The following MOK variants were observed in gnomAD, a reference collection of about 807,000 sequenced individuals.
The protein encoded by MOK is MOK protein kinase, also known as MAPK/MAK/MRK overlapping kinase.
In MOK, 59 loss-of-function variants were observed where a neutral mutation model predicts 54.2. That is an observed-to-expected ratio of 1.09 (90% confidence interval 0.88 to 1.35). The LOEUF is 1.35. Ranked by LOEUF, MOK falls within the 40% of genes most tolerant of loss-of-function variation. The pLI, the probability that MOK is intolerant of heterozygous loss-of-function variation, is 0.00. For missense variants in MOK, 517 were observed against 526.2 expected (o/e 0.98, Z 0.17); for synonymous variants, 210 against 202.7 (o/e 1.04, Z -0.31).
chr14:102,241,057 GGAT>G (rs1054135022), intron 7 of MOK, among the ~76,000 whole-genome samples: 3 of 152,064 alleles, frequency 2.0e-5, no homozygotes, highest in African/African-American at 7.2e-5. Flanking sequence ...TACAAGACCT[GGAT>G]GATTTTTGTC....
At chr14:102,227,653 G>A (rs987629214), downstream of MOK, among the ~76,000 whole-genome samples, 8 of 152,148 alleles carry the variant, frequency 5.3e-5, no homozygotes, top group Non-Finnish European at 1.0e-4. Flanking sequence ...CCTCACTTCC[G>A]GACTGGAATC....
chr14:102,285,718 CA>C (rs1434148566), intron 1 of MOK, among the ~76,000 whole-genome samples: 2 of 151,876 alleles, frequency 1.3e-5, no homozygotes, highest in African/African-American at 4.8e-5. Context: ...ATGGTGAAAC[CA>C]CGTCTCTACT....
At position 102,253,867 on chromosome 14, in the gene MOK, T is replaced by C. The variant is rs560559810; in HGVS notation, c.284-1872A>G. On this transcript the variant is annotated intron_variant, in intron 4 of 11. Transcript: ENST00000361847. ...ATGAGCACATATACCATTTGACACT[T>C]TTGGTCCTAAGTTTACAATTTCTTT... 5.4e-4 allele frequency among the ~76,000 whole-genome samples: 82 copies of C among 152,360 alleles called. No individual in the cohort carries two copies. The Middle Eastern group carries it at 0.01, about 19-fold the overall frequency.
At position 102,249,313 on chromosome 14, in the gene MOK, T is replaced by C. The variant is rs767391208; in HGVS notation, c.590+1499A>G. On this transcript the variant is annotated intron_variant, in intron 7 of 11. Transcript: ENST00000361847. The surrounding 1 kb of genome is among the most constrained non-coding windows in gnomAD (Gnocchi z 5.3). ...TCCCATCGGCCAAGGGGAGTTTTGC[T>C]GACAAATTCAGGGTGAGACAGGTCA... 3.9e-5 allele frequency among the ~76,000 whole-genome samples: 6 copies of C among 152,238 alleles called. No homozygotes were observed. Among genetic ancestry groups the C allele is most frequent in the Non-Finnish European group, 7.3e-5 (5 of 68,044 alleles).
At chr14:102,271,468 A>G (rs573971717) in intron 2 of MOK, among the ~76,000 whole-genome samples, 1 of 152,294 alleles carries the variant, frequency 6.6e-6, no homozygotes, top group East Asian at 1.9e-4. Flanking sequence ...AAAAAGAAAT[A>G]CTCTTACACA....
At chr14:102,285,744 T>G (rs932657536) in intron 1 of MOK, among the ~76,000 whole-genome samples, 19 of 151,760 alleles carry the variant, frequency 1.3e-4, no homozygotes, top group Non-Finnish European at 2.4e-4. Flanking sequence ...ATACAAAAAT[T>G]AGCTGGATGT....
At chr14:102,302,247 A>G (rs1479516606) in intron 1 of MOK, among the ~76,000 whole-genome samples, 3 of 127,570 alleles carry the variant, frequency 2.4e-5, no homozygotes, top group Non-Finnish European at 5.0e-5. Flanking sequence ...TAATTTTTGT[A>G]TTTTTAGTAG....
chr14:102,217,980 G>A, the MOK span, among the ~76,000 whole-genome samples: 1 of 152,228 alleles, frequency 6.6e-6, no homozygotes, highest in African/African-American at 2.4e-5. Context: ...GGCCAAGGCT[G>A]GCCTTCTCCC....
rs1342376163 is a variant in MOK, at chr14:102,256,151, T to G, written c.284-4156A>C. 2.0e-5 allele frequency among the ~76,000 whole-genome samples: 3 copies of G among 151,352 alleles called. No individual in the cohort carries two copies. In the East Asian group the frequency reaches 5.8e-4, roughly 29 times the overall value. Reference sequence around the variant, plus strand: ...TCTCACTCTGTTGCCCAGGCTGGAGTGCAGTGGTACAATCAGCTCATTGCA... The same window carrying G: ...TCTCACTCTGTTGCCCAGGCTGGAGGGCAGTGGTACAATCAGCTCATTGCA... On this transcript the variant is annotated intron_variant, in intron 4 of 11. Transcript: ENST00000361847.
intron 1 of MOK, among the ~76,000 whole-genome samples, chr14:102,284,330 C>T (rs2069791408): frequency 6.6e-6 from 1 of 151,914 alleles, no homozygotes; most frequent in Non-Finnish European, 1.5e-5. Context: ...TGAAATATCG[C>T]CCACTTAAAG....
At chr14:102,290,792 TAC>T (rs1017652438) in intron 1 of MOK, among the ~76,000 whole-genome samples, 2 of 152,048 alleles carry the variant, frequency 1.3e-5, no homozygotes, top group African/African-American at 2.4e-5. Context: ...ATTTAGGAAA[TAC>T]AGAGTTAAAT....
chr14:102,289,782 T>C (rs1267545404), intron 1 of MOK, among the ~76,000 whole-genome samples: 4 of 151,992 alleles, frequency 2.6e-5, no homozygotes, highest in Non-Finnish European at 5.9e-5. Context: ...GCTGGGATTA[T>C]AGGCGTGAGC....
chr14:102,261,986 G>T (rs576169172), intron 4 of MOK, among the ~76,000 whole-genome samples: 59 of 144,352 alleles, frequency 4.1e-4, no homozygotes, highest in African/African-American at 1.5e-3. Flanking sequence ...GACTACAGGC[G>T]CCCGCCACCA....
chr14:102,253,911 C>A (rs1479341323), intron 4 of MOK, among the ~76,000 whole-genome samples: 3 of 152,014 alleles, frequency 2.0e-5, no homozygotes, highest in Middle Eastern at 3.4e-3. Flanking sequence ...TAAAATTATT[C>A]TTTTTCTCTA....
intron 2 of MOK, among the ~76,000 whole-genome samples, chr14:102,281,316 T>G (rs1421638224): frequency 6.7e-6 from 1 of 149,946 alleles, no homozygotes; most frequent in Non-Finnish European, 1.5e-5. Context: ...AATGCGAGAC[T>G]CTGTCTCAAA....
chr14:102,302,214 A>T (rs933496583), intron 1 of MOK, among the ~76,000 whole-genome samples: 3 of 150,548 alleles, frequency 2.0e-5, no homozygotes, highest in African/African-American at 7.3e-5. Flanking sequence ...CTGGGATTAC[A>T]GGCACCTGCC....
At chr14:102,215,458 CTTT>C in the MOK span, among the ~76,000 whole-genome samples, 2 of 151,970 alleles carry the variant, frequency 1.3e-5, no homozygotes, top group African/African-American at 4.8e-5. Context: ...AGGCTGCTTG[CTTT>C]TTTTTATTTT....
downstream of MOK, chr14:102,224,773 C>T (rs922803439): frequency 2.0e-5 from 9 of 455,904 alleles, no homozygotes; most frequent in African/African-American, 1.8e-4. Context: ...ATCACGGGGC[C>T]ATGAACTATG....
At chr14:102,248,067 C>T (rs543374780) in intron 7 of MOK, among the ~76,000 whole-genome samples, 6 of 152,216 alleles carry the variant, frequency 3.9e-5, no homozygotes, top group Non-Finnish European at 7.3e-5. Flanking sequence ...TACTGTCCAG[C>T]CTTCCCCCAT....
Sources: gnomAD v4.1 joint callset for allele counts (sites outside exome capture counted in the v4.1 genomes callset) on GRCh38, gnomAD v4.1.1 for gene constraint, Gnocchi (gnomAD v3.1) non-coding constraint, MANE v1.5 for transcripts, NCBI Gene and HGNC (gene_info 2026-07-23, HGNC 2026-07-21) for gene names.